SSUH2: variants seen among roughly 807,000 people sequenced by gnomAD.
The protein encoded by SSUH2 is protein SSUH2 homolog.
SSUH2 carries 47 observed loss-of-function variants against 55.3 expected under a neutral mutation model. That is an observed-to-expected ratio of 0.85 (90% CI 0.67 to 1.08). The LOEUF is 1.08. SSUH2 is among the 50% of genes least tolerant of loss of function. SSUH2 has a pLI of 0.00. For missense variants in SSUH2, 535 were observed against 490.7 expected, an observed-to-expected ratio of 1.09 and a Z score of -0.85; for synonymous variants, 212 against 191.5, an observed-to-expected ratio of 1.11 and a Z score of -0.89.
At chr3:8,672,906 A>C (rs1177315952) in intron 3 of SSUH2, among the ~76,000 whole-genome samples, 1 of 152,044 alleles carries the variant, frequency 6.6e-6, no homozygotes. Flanking sequence ...GTGGGTGTAC[A>C]CCTGCTGCGA....
At chr3:8,667,255 G>T (rs1704076295) in intron 5 of SSUH2, among the ~76,000 whole-genome samples, 1 of 152,114 alleles carries the variant, frequency 6.6e-6, no homozygotes, top group South Asian at 2.1e-4. Flanking sequence ...TGGAACTGAG[G>T]GTTCCTCCCA....
chr3:8,621,337 C>T (rs529181595), intron 11 of SSUH2, among the ~76,000 whole-genome samples: 33 of 152,298 alleles, frequency 2.2e-4, no homozygotes, highest in Non-Finnish European at 4.1e-4. Context: ...TAGTTGATAG[C>T]TTGAAGACCC....
upstream of SSUH2, among the ~76,000 whole-genome samples, chr3:8,645,387 T>C (rs549217883): frequency 6.0e-4 from 92 of 152,330 alleles, no homozygotes; most frequent in Middle Eastern, 3.4e-3. Flanking sequence ...GGGCCACTAC[T>C]GTCGCCACAC....
intron 11 of SSUH2, among the ~76,000 whole-genome samples, chr3:8,623,225 C>T (rs1696808509): frequency 6.6e-6 from 1 of 152,254 alleles, no homozygotes; most frequent in African/African-American, 2.4e-5. Flanking sequence ...TCAATCCCCA[C>T]CTTTTTCTTC....
At chr3:8,670,304 C>T (rs1704413943) in intron 5 of SSUH2, among the ~76,000 whole-genome samples, 1 of 152,106 alleles carries the variant, frequency 6.6e-6, no homozygotes, top group South Asian at 2.1e-4. Flanking sequence ...TGTACACCTT[C>T]TGTGACATTT....
chr3:8,672,384 T>G (rs1383079694), intron 3 of SSUH2, among the ~76,000 whole-genome samples: 1 of 152,108 alleles, frequency 6.6e-6, no homozygotes, highest in Non-Finnish European at 1.5e-5. Context: ...TCCTGCGACA[T>G]GGGGGTAATA....
At chr3:8,621,267 G>T (rs1354264009) in intron 11 of SSUH2, among the ~76,000 whole-genome samples, 1 of 152,236 alleles carries the variant, frequency 6.6e-6, no homozygotes, top group Non-Finnish European at 1.5e-5. Context: ...CCAGGGTCAG[G>T]CCCTCTTTAC....
intron 1 of SSUH2, among the ~76,000 whole-genome samples, chr3:8,636,734 T>C (rs1481115255): frequency 6.6e-6 from 1 of 152,132 alleles, no homozygotes; most frequent in Non-Finnish European, 1.5e-5. Flanking sequence ...TCTGAAGACA[T>C]TCCCTCCTCT....
intron 11 of SSUH2, among the ~76,000 whole-genome samples, chr3:8,622,731 C>T (rs759523832): frequency 6.6e-6 from 1 of 152,134 alleles, no homozygotes; most frequent in Non-Finnish European, 1.5e-5. Context: ...CAGACAGAGA[C>T]AGAGAAGGGG....
In SSUH2 at chr3:8,670,303, T is replaced by A. The variant is rs553070468; in HGVS notation, c.-455+695A>T. On this transcript the variant is annotated intron_variant, in intron 5 of 18. Transcript: ENST00000317371. ...AGATCACGTCACAAGGTGTACACCT[T>A]CTGTGACATTTTGAACACTCTGTGA... Among the ~76,000 whole-genome samples the A allele has an allele frequency of 7.2e-5, 11 of 152,196 alleles. No individual in the cohort carries two copies. In the South Asian group the frequency reaches 1.7e-3, roughly 23 times the overall value.
At position 8,627,790 on chromosome 3, in the gene SSUH2, A is replaced by G. The variant is rs1485003261; in HGVS notation, c.589-7T>C. On this transcript the variant is annotated splice_region_variant and splice_polypyrimidine_tract_variant and intron_variant, in intron 7 of 11. Coordinates refer to ENST00000544814, the MANE Select transcript of SSUH2 (RefSeq NM_001256748.3). ...AGCAGGATGGGCACCGCACCTGCAG[A>G]CACACCACTGCCTCAGCCCCCGCTG... 6.2e-6 allele frequency: 10 copies of G among 1,606,792 alleles called. No homozygotes were observed. The Admixed American group carries it at 6.8e-5, about 11-fold the overall frequency.
intron 4 of SSUH2, among the ~76,000 whole-genome samples, chr3:8,632,994 C>T (rs1575123520): frequency 6.6e-6 from 1 of 152,294 alleles, no homozygotes; most frequent in Middle Eastern, 3.4e-3. Flanking sequence ...AATCACTTTG[C>T]CTCTTTAAAT....
At chr3:8,623,147 G>T (rs1165290238) in intron 11 of SSUH2, among the ~76,000 whole-genome samples, 1 of 152,210 alleles carries the variant, frequency 6.6e-6, no homozygotes, top group East Asian at 1.9e-4. Flanking sequence ...GAGAAGACAG[G>T]GCTGGGGGTT....
chr3:8,648,433 G>A (rs1488540814), upstream of SSUH2, among the ~76,000 whole-genome samples: 1 of 152,198 alleles, frequency 6.6e-6, no homozygotes, highest in Non-Finnish European at 1.5e-5. Flanking sequence ...GAAAGCAATG[G>A]AGGAAAGCTG....
intron 2 of SSUH2, 113 bp downstream of exon 2, chr3:8,635,646 G>T: frequency 9.5e-7 from 1 of 1,050,850 alleles, no homozygotes; most frequent in Non-Finnish European, 1.3e-6. Context: ...GCTTCCCAGG[G>T]CCCCCCCAGG....
At chr3:8,649,187 A>G (rs1356805728), upstream of SSUH2, among the ~76,000 whole-genome samples, 1 of 152,156 alleles carries the variant, frequency 6.6e-6, no homozygotes, top group African/African-American at 2.4e-5. Context: ...CTTCCCACAC[A>G]CAAAGGTCCT....
upstream of SSUH2, among the ~76,000 whole-genome samples, chr3:8,648,560 G>A (rs1478590838): frequency 6.6e-6 from 1 of 151,594 alleles, no homozygotes; most frequent in East Asian, 1.9e-4. Context: ...CACTTTAGCT[G>A]GTGCCCCCCC....
chr3:8,660,854 A>G (rs1317103458), intron 6 of SSUH2, among the ~76,000 whole-genome samples: 1 of 152,230 alleles, frequency 6.6e-6, no homozygotes, highest in Non-Finnish European at 1.5e-5. Flanking sequence ...AGTACCTAAA[A>G]TAAACAATCC....
At chr3:8,639,356 C>T (rs1217863214) in intron 1 of SSUH2, among the ~76,000 whole-genome samples, 1 of 152,218 alleles carries the variant, frequency 6.6e-6, no homozygotes, top group African/African-American at 2.4e-5. Context: ...CCAGTTTTCC[C>T]TATTTCAGAG....
Sources: gnomAD v4.1 joint callset for allele counts (sites outside exome capture counted in the v4.1 genomes callset) on GRCh38, gnomAD v4.1.1 for gene constraint, MANE v1.5 for transcripts, NCBI Gene and HGNC (gene_info 2026-07-23, HGNC 2026-07-21) for gene names.